Variants in RPL31 observed in about 807,000 individuals in gnomAD.
RPL31 encodes ribosomal protein L31, also known as large ribosomal subunit protein eL31.
For synonymous variants in RPL31, 51 were observed against 55.0 expected, an observed-to-expected ratio of 0.93 and a Z score of 0.32; for missense variants, 95 against 164.0, an observed-to-expected ratio of 0.58 and a Z score of 2.30.
At chr2:101,016,749 AAAT>A (rs1331859670) in intron 4 of RPL31, among the ~76,000 whole-genome samples, 1 of 152,206 alleles carries the variant, frequency 6.6e-6, no homozygotes, top group Non-Finnish European at 1.5e-5. Context: ...CAGCCATAAA[AAAT>A]GATGAGTTCA....
intron 4 of RPL31, among the ~76,000 whole-genome samples, chr2:101,016,512 G>A (rs1679647518): frequency 1.3e-5 from 2 of 152,196 alleles, no homozygotes; most frequent in African/African-American, 4.8e-5. Context: ...GGAAGTCAGT[G>A]TGGCGATTCC....
At chr2:101,010,838 C>T (rs1032666888), downstream of RPL31, 25 of 1,061,236 alleles carry the variant, frequency 2.4e-5, no homozygotes, top group Admixed American at 2.2e-4. Flanking sequence ...GCTGAGATCG[C>T]GCCACTGTAC....
downstream of RPL31, among the ~76,000 whole-genome samples, chr2:101,010,606 C>T (rs185849347): frequency 6.8e-6 from 1 of 147,484 alleles, no homozygotes; most frequent in African/African-American, 2.5e-5. Context: ...AATTCTCGGT[C>T]GGGCGCGGTG....
At chr2:101,010,964 C>G, downstream of RPL31, 1 of 1,612,162 alleles carries the variant, frequency 6.2e-7, no homozygotes, top group Non-Finnish European at 8.5e-7. Context: ...TCAGTTTTAT[C>G]TTTTTCTTTG....
At chr2:101,016,866 T>C (rs1048509023) in intron 4 of RPL31, among the ~76,000 whole-genome samples, 5 of 151,934 alleles carry the variant, frequency 3.3e-5, no homozygotes, top group Non-Finnish European at 7.4e-5. Flanking sequence ...TAGATGGGAA[T>C]TGAACAATGA....
At chr2:101,017,994 C>A in intron 4 of RPL31, 1 of 1,452,922 alleles carries the variant, frequency 6.9e-7, no homozygotes, top group Non-Finnish European at 9.4e-7. Flanking sequence ...TTCCAATGCT[C>A]GCAATTCTAC....
At chr2:101,012,596 G>T (rs1055404962) in intron 4 of RPL31, among the ~76,000 whole-genome samples, 11 of 146,818 alleles carry the variant, frequency 7.5e-5, no homozygotes, top group African/African-American at 2.7e-4. Flanking sequence ...AAAATTGATT[G>T]TGGTGATCGC....
At chr2:101,004,589 T>C in intron 3 of RPL31, 1 of 392,624 alleles carries the variant, frequency 2.5e-6, no homozygotes, top group Non-Finnish European at 4.5e-6. Flanking sequence ...AATAAATCAC[T>C]GTGAGCCCAG....
chr2:101,006,145 C>T, intron 4 of RPL31, 74 bp downstream of exon 4: 27 of 1,565,092 alleles, frequency 1.7e-5, no homozygotes, highest in Non-Finnish European at 2.3e-5. Context: ...GTGAATTCAT[C>T]TGTTAAGCTA....
downstream of RPL31, among the ~76,000 whole-genome samples, chr2:101,010,183 A>C (rs1423118869): frequency 1.3e-5 from 2 of 152,188 alleles, no homozygotes; most frequent in Non-Finnish European, 1.5e-5. Flanking sequence ...AAAATGAAAC[A>C]AACCATATGG....
rs1462621203 is a variant in RPL31 at position 101,006,703 on chromosome 2, A to G, written c.*322A>G. 1.7e-5 allele frequency: 5 copies of G among 291,756 alleles called. No individual in the cohort carries two copies. Among genetic ancestry groups the G allele is most frequent in the Non-Finnish European group, 2.5e-5 (4 of 158,998 alleles). 18.1% of individuals were successfully genotyped at this position (291,756 alleles called of 1,614,324 possible). On this transcript the variant is annotated 3_prime_UTR_variant, in exon 5 of 5. Coordinates refer to ENST00000264258, the MANE Select transcript of RPL31 (RefSeq NM_000993.5). ...GATGTAGAATCCAGTTGCCATTGAC[A>G]TCTTAACATTTTAGGAAACAACTTT...
At chr2:101,008,003 A>G (rs773603692), downstream of RPL31, 3 of 1,614,040 alleles carry the variant, frequency 1.9e-6, no homozygotes, top group Non-Finnish European at 8.5e-7. Context: ...GAGACAGTCC[A>G]GTCCCTTTCT....
At chr2:101,009,827 C>CTT (rs1202991001), downstream of RPL31, among the ~76,000 whole-genome samples, 3 of 121,840 alleles carry the variant, frequency 2.5e-5, no homozygotes, top group Admixed American at 1.6e-4. Flanking sequence ...GGAGCTTTTT[C>CTT]TTTTTTTTTT....
chr2:101,004,927 G>A (rs1326465715), intron 3 of RPL31: 1 of 152,452 alleles, frequency 6.6e-6, no homozygotes, highest in Non-Finnish European at 1.5e-5. Context: ...GTGGAGTGAG[G>A]GGCAGCTAGA....
Position 101,006,140 on chromosome 2 carries a change from T to TTCA in RPL31, c.346+72_346+74dup, listed in dbSNP as rs1678724789. 3 of 1,571,176 alleles carry TTCA rather than the reference T, an allele frequency of 1.9e-6. No homozygotes were observed. The Admixed American group carries it at 5.7e-5, about 30-fold the overall frequency. On this transcript the variant is annotated intron_variant, in intron 4 of 4. Coordinates refer to ENST00000264258, the MANE Select transcript of RPL31 (RefSeq NM_000993.5). ...ATGTCCTTACCTCTTAAAATGTGAATTCATCTGTTAAGCTAGGGGTGACAC... is the reference window on the plus strand; with the variant it reads ...ATGTCCTTACCTCTTAAAATGTGAATTCATCATCTGTTAAGCTAGGGGTGACAC...
At chr2:101,007,736 T>TC, downstream of RPL31, 3 of 1,400,992 alleles carry the variant, frequency 2.1e-6, no homozygotes, top group Non-Finnish European at 2.9e-6. Context: ...TAGACTGAAA[T>TC]CTCGGTTTAG....
chr2:101,012,925 A>G (rs1679338294), intron 4 of RPL31, among the ~76,000 whole-genome samples: 1 of 152,198 alleles, frequency 6.6e-6, no homozygotes, highest in South Asian at 2.1e-4. Flanking sequence ...GTAAGAATCC[A>G]CTCAAACTGA....
chr2:101,006,179 C>G, intron 4 of RPL31, 108 bp downstream of exon 4: 1 of 1,515,876 alleles, frequency 6.6e-7, no homozygotes, highest in Non-Finnish European at 8.8e-7. Flanking sequence ...TCATTGTACC[C>G]TTTTTAAATT....
chr2:101,004,055 A>G, intron 2 of RPL31, 103 bp from the exon 3 acceptor site: 1 of 1,341,770 alleles, frequency 7.5e-7, no homozygotes, highest in Non-Finnish European at 1.0e-6. Flanking sequence ...GACATTGCTT[A>G]AAGTCAGTTT....
Sources: gnomAD v4.1 joint callset for allele counts (sites outside exome capture counted in the v4.1 genomes callset) on GRCh38, gnomAD v4.1.1 for gene constraint, MANE v1.5 for transcripts, NCBI Gene and HGNC (gene_info 2026-07-23, HGNC 2026-07-21) for gene names.